Variants in ABCC8 observed in about 807,000 individuals in gnomAD.
The protein encoded by ABCC8 is ATP binding cassette subfamily C member 8, also known as ATP-binding cassette sub-family C member 8.
ABCC8 carries 137 observed loss-of-function variants against 188.0 expected under a neutral mutation model. The observed-to-expected ratio is 0.73, with a 90% CI of 0.63 to 0.84. ABCC8 has a LOEUF of 0.84. ABCC8 is among the 40% of genes least tolerant of loss of function. ABCC8 has a pLI of 0.00. For synonymous variants in ABCC8, 797 were observed against 846.5 expected (o/e 0.94, Z 1.01); for missense variants, 1,750 against 2,072.7 (o/e 0.84, Z 3.02).
Position 17,402,700 on chromosome 11 carries a change from G to A in ABCC8, c.3611C>T (p.Ala1204Val). The change falls in exon 29 of 39, where the codon GCC becomes GTC. Residue 1204 changes from alanine to valine, a missense_variant. Transcript: ENST00000389817. Reference sequence around the variant, plus strand: ...GGTGGTGAGTCCTTCTACGGTTTCGGCAAAGTGTGAGAGAAGTGGAAGCTG... The same window carrying A: ...GGTGGTGAGTCCTTCTACGGTTTCGACAAAGTGTGAGAGAAGTGGAAGCTG... ...TTQLPLLSHF[A>V]ETVEGLTTIR... 3.7e-6 allele frequency: 6 copies of A among 1,614,230 alleles called. No homozygotes were observed. The highest frequency in any genetic ancestry group is 5.1e-6 in the Non-Finnish European group (6 of 1,180,032).
chr11:17,398,556 C>G (rs867794284), intron 29 of ABCC8, 115 bp from the exon 30 acceptor site: 1 of 1,553,300 alleles, frequency 6.4e-7, no homozygotes, highest in Non-Finnish European at 8.7e-7. Context: ...GACATGCCAC[C>G]GTGGCCACTT....
At position 17,406,776 on chromosome 11, in the gene ABCC8, C is replaced by G; in HGVS notation, c.3175G>C (p.Asp1059His). The change falls in exon 26 of 39, where the codon GAC becomes CAC. Residue 1059 changes from aspartate to histidine, a missense_variant. Physicochemically the swap from Asp to His is moderately conservative, Grantham distance 81. Transcript: ENST00000389817. The part of the protein sequence containing the change: ...NCSLSQECTL[D>H]QTVYAMVFTV... ...AACACCATGGCATAGACAGTCTGGT[C>G]GAGGGTGCACTCCTTCACAGGCAGA... 6.2e-7 allele frequency: 1 copy of G among 1,614,168 alleles called. No individual in the cohort carries two copies. The highest frequency in any genetic ancestry group is 8.5e-7 in the Non-Finnish European group (1 of 1,180,038).
intron 6 of ABCC8, among the ~76,000 whole-genome samples, chr11:17,455,978 G>C (rs996227611): frequency 5.3e-5 from 8 of 149,952 alleles, no homozygotes; most frequent in Non-Finnish European, 1.0e-4. Flanking sequence ...TACTAGACTA[G>C]CCAAGAGGCC....
In ABCC8 at chr11:17,430,855, C is replaced by G; in HGVS notation, c.1776G>C (p.Leu592=). ...CGGTAGATCGGACCACACTGGACAG[C>G]AGGAACAGCGGTGTGACCAAGATAT... ...LFHILVTPLF[L]LSSVVRSTVK... Residue 592 remains leucine, a synonymous_variant, in exon 12 of 39, where the codon CTG becomes CTC. Transcript: ENST00000389817. The G allele has an allele frequency of 6.2e-7, 1 of 1,614,188 alleles. No homozygotes were observed. Among genetic ancestry groups the G allele is most frequent in the Non-Finnish European group, 8.5e-7 (1 of 1,180,034 alleles).
At chr11:17,399,091 G>A (rs12292288) in intron 29 of ABCC8, 27,645 of 155,302 alleles carry the variant, frequency 0.18, 4,370 homozygotes, top group African/African-American at 0.42. Context: ...CAACATGGTG[G>A]AATTCTGTCT....
intron 10 of ABCC8, among the ~76,000 whole-genome samples, chr11:17,434,260 C>T (rs568188718): frequency 1.1e-4 from 17 of 152,322 alleles, no homozygotes; most frequent in Admixed American, 2.0e-4. Context: ...GGCCAAGACC[C>T]CTCCTTCACA....
chr11:17,461,085 C>T (rs1477632949), intron 5 of ABCC8: 3 of 343,308 alleles, frequency 8.7e-6, no homozygotes, highest in Admixed American at 9.0e-5. Context: ...GCCTCTGCCG[C>T]CTGCCAGCTG....
At chr11:17,411,228 T>C (rs1954790775) in intron 21 of ABCC8, among the ~76,000 whole-genome samples, 1 of 152,240 alleles carries the variant, frequency 6.6e-6, no homozygotes, top group Non-Finnish European at 1.5e-5. Context: ...ATCTGATCAT[T>C]GTTTGTCCAT....
chr11:17,461,653 C>T lies in ABCC8; in HGVS notation c.752G>A (p.Gly251Glu), dbSNP rs768301371. The part of the protein sequence containing the change: ...HKKPIDLRAI[G>E]KLPIAMRALT... ...GGCCCTCATGGCGATGGGCAGCTTC[C>T]CGATGGCTCGCAAGTCGATGGGCTT... is the stretch of plus-strand genomic sequence containing the variant. The change falls in exon 5 of 39, where the codon GGG (glycine) becomes GAG (glutamate). Residue 251 changes from glycine to glutamate, a missense_variant. Gly to Glu is a moderately conservative substitution (Grantham distance 98). Coordinates refer to ENST00000389817, the MANE Select transcript of ABCC8 (RefSeq NM_000352.6). The T allele has an allele frequency of 1.2e-6, 2 of 1,614,260 alleles. No individual in the cohort carries two copies. The highest frequency in any genetic ancestry group is 4.5e-5 in the East Asian group (2 of 44,876).
chr11:17,443,031 C>T, intron 9 of ABCC8, 147 bp downstream of exon 9: 1 of 1,518,936 alleles, frequency 6.6e-7, no homozygotes, highest in Non-Finnish European at 9.0e-7. Flanking sequence ...ATTTCCCAGA[C>T]AAAGAAGCTG....
At chr11:17,393,905 G>A in intron 37 of ABCC8, 146 bp from the exon 38 acceptor site, 1 of 1,535,074 alleles carries the variant, frequency 6.5e-7, no homozygotes, top group South Asian at 1.2e-5. Context: ...GACTGAACAG[G>A]TTCCCGGCAC....
Position 17,460,529 on chromosome 11 carries a change from C to G in ABCC8, c.970G>C (p.Val324Leu), listed in dbSNP as rs1328072266. The G allele has an allele frequency of 6.2e-7, 1 of 1,614,110 alleles. No homozygotes were observed. Among genetic ancestry groups the G allele is most frequent in the Admixed American group, 1.7e-5 (1 of 60,036 alleles). Residue 324 changes from valine (V) to leucine (L), a missense_variant, in exon 6 of 39, where the codon GTG (valine) becomes CTG (leucine). Coordinates refer to ENST00000389817, the MANE Select transcript of ABCC8 (RefSeq NM_000352.6). The part of the protein sequence containing the change: ...FAGPLCIFGI[V>L]DHLGKENDVF... ...TCGTTCTCCTTCCCAAGGTGGTCCA[C>G]GATCCCAAAGATGCACAGTGGCCCG...
Position 17,407,080 on chromosome 11 carries a change from G to A in ABCC8, c.2970C>T (p.His990=). 1 of 1,613,938 alleles carries A rather than the reference G, an allele frequency of 6.2e-7. No individual in the cohort carries two copies. The highest frequency in any genetic ancestry group is 1.3e-5 in the African/African-American group (1 of 75,048). The change falls in exon 25 of 39, where the codon CAC becomes CAT. Residue 990 remains histidine, a synonymous_variant. Transcript: ENST00000389817. Reference sequence around the variant, plus strand: ...CTCGCCATGGGATCTCAGCACGCTGGTGCAGCATGGACGACAGGTTGTCAT... The same window carrying A: ...CTCGCCATGGGATCTCAGCACGCTGATGCAGCATGGACGACAGGTTGTCAT... ...EEDDNLSSML[H]QRAEIPWRAC...
intron 20 of ABCC8, 131 bp from the exon 21 acceptor site, chr11:17,412,877 G>A: frequency 6.6e-7 from 1 of 1,521,002 alleles, no homozygotes; most frequent in Non-Finnish European, 8.8e-7. Flanking sequence ...TTCTCACCTT[G>A]CATAGAGAAG....
At chr11:17,437,871 G>A (rs1016899297) in intron 10 of ABCC8, among the ~76,000 whole-genome samples, 18 of 152,232 alleles carry the variant, frequency 1.2e-4, no homozygotes, top group African/African-American at 4.1e-4. Flanking sequence ...GGCCAAGGCA[G>A]GTGGATCACC....
At chr11:17,419,681 A>G (rs2299640) in intron 16 of ABCC8, among the ~76,000 whole-genome samples, 27,488 of 152,172 alleles carry the variant, frequency 0.18, 2,959 homozygotes, top group African/African-American at 0.28. Flanking sequence ...AAATGAGTAG[A>G]GCCTCATAGA....
intron 10 of ABCC8, chr11:17,436,273 C>G: frequency 2.3e-6 from 1 of 436,732 alleles, no homozygotes; most frequent in Non-Finnish European, 4.3e-6. Context: ...GTGGATGTGG[C>G]TGGACCTGGG....
intron 19 of ABCC8, 72 bp downstream of exon 19, chr11:17,414,440 C>T: frequency 6.3e-7 from 1 of 1,588,712 alleles, no homozygotes; most frequent in African/African-American, 1.3e-5. Flanking sequence ...ATGGAGGGGC[C>T]CGGAACTGGG....
intron 2 of ABCC8, among the ~76,000 whole-genome samples, chr11:17,472,643 A>C (rs1848542862): frequency 6.6e-6 from 1 of 152,180 alleles, no homozygotes; most frequent in Non-Finnish European, 1.5e-5. Context: ...CAAAGACCAG[A>C]TGACAATTAC....
Sources: gnomAD v4.1 joint callset for allele counts (sites outside exome capture counted in the v4.1 genomes callset) on GRCh38, gnomAD v4.1.1 for gene constraint, MANE v1.5 for transcripts, NCBI Gene and HGNC (gene_info 2026-07-23, HGNC 2026-07-21) for gene names.